The following PLXDC2 variants were observed in gnomAD, a reference collection of about 807,000 sequenced individuals.
PLXDC2 encodes plexin domain-containing protein 2.
Under a neutral mutation model 68.9 loss-of-function variants are expected in PLXDC2, and 40 were observed. The observed-to-expected ratio is 0.58, with a 90% confidence interval of 0.45 to 0.76. PLXDC2 has a LOEUF of 0.76. Ranked by LOEUF, PLXDC2 falls within the 30% of genes least tolerant of loss-of-function variation. The probability of loss-of-function intolerance (pLI) is 0.00; values close to 1 mark genes in which losing one functional copy is unlikely to be tolerated. For missense variants in PLXDC2, 644 were observed against 661.9 expected (o/e 0.97, Z 0.30); for synonymous variants, 243 against 234.2 (o/e 1.04, Z -0.34).
Position 19,854,969 on chromosome 10 carries a change from T to C in PLXDC2, c.112+37778T>C, listed in dbSNP as rs141188674. ...TTTAAAATATTTTTATATATCTCAA[T>C]TTGAAGAAATCTCCCACAGTTCTTA... On this transcript the variant is annotated intron_variant, in intron 1 of 13. Transcript: ENST00000377252. 3.4e-4 allele frequency among the ~76,000 whole-genome samples: 52 copies of C among 152,358 alleles called. No homozygotes were observed. The East Asian group carries it at 9.6e-3, about 28-fold the overall frequency.
chr10:20,215,148 T>C (rs576407439), intron 10 of PLXDC2, among the ~76,000 whole-genome samples: 108 of 152,196 alleles, frequency 7.1e-4, no homozygotes, highest in African/African-American at 2.5e-3. Context: ...GAAATTGAGA[T>C]GGAGTTGTGA....
Position 20,237,717 on chromosome 10 carries a change from T to C in PLXDC2, c.1313-7628T>C, listed in dbSNP as rs112438192. On this transcript the variant is annotated intron_variant, in intron 12 of 13. Coordinates refer to ENST00000377252, the MANE Select transcript of PLXDC2 (RefSeq NM_032812.9). The stretch of plus-strand genomic sequence containing the variant: ...TTATAGTTTAACTTTATTCTGAAGC[T>C]TTAAAAGAGCACATTTTGGCATCTT... Among the ~76,000 whole-genome samples, 418 of 152,344 alleles carry C rather than the reference T, an allele frequency of 2.7e-3. 4 individuals are homozygous for C. Among genetic ancestry groups the C allele is most frequent in the African/African-American group, 9.1e-3 (379 of 41,578 alleles).
chr10:19,854,505 A>T (rs1589502286), intron 1 of PLXDC2, among the ~76,000 whole-genome samples: 1 of 152,194 alleles, frequency 6.6e-6, no homozygotes. Context: ...ATTCTACTAG[A>T]CCAGCTGCTA....
chr10:20,232,255 A>G (rs768675826), intron 12 of PLXDC2, among the ~76,000 whole-genome samples: 1 of 152,156 alleles, frequency 6.6e-6, no homozygotes, highest in Non-Finnish European at 1.5e-5. Context: ...TGAACTCTAT[A>G]CATTTCTGAT....
At chr10:19,977,195 A>G (rs1258662584) in intron 1 of PLXDC2, among the ~76,000 whole-genome samples, 1 of 152,166 alleles carries the variant, frequency 6.6e-6, no homozygotes, top group Non-Finnish European at 1.5e-5. Flanking sequence ...TTCACTCTAG[A>G]TGGATCCAAC....
chr10:20,265,677 T>C (rs1486628041), intron 13 of PLXDC2, among the ~76,000 whole-genome samples: 1 of 152,214 alleles, frequency 6.6e-6, no homozygotes, highest in African/African-American at 2.4e-5. Flanking sequence ...ATGTAAGTCA[T>C]TAAAAAGATA....
At chr10:20,039,974 T>C (rs1441407889) in intron 2 of PLXDC2, among the ~76,000 whole-genome samples, 1 of 152,128 alleles carries the variant, frequency 6.6e-6, no homozygotes, top group East Asian at 1.9e-4. Flanking sequence ...ATTCTAAGCA[T>C]CCAACCAGCT....
intron 4 of PLXDC2, among the ~76,000 whole-genome samples, chr10:20,119,852 T>C (rs1401036128): frequency 6.7e-6 from 1 of 148,706 alleles, no homozygotes; most frequent in Non-Finnish European, 1.5e-5. Context: ...GGTGATGGCA[T>C]GGATATGGTT....
chr10:19,879,581 G>A (rs1206844779), intron 1 of PLXDC2, among the ~76,000 whole-genome samples: 1 of 152,186 alleles, frequency 6.6e-6, no homozygotes, highest in African/African-American at 2.4e-5. Context: ...CATAAAAGAA[G>A]GCCTTGCATT....
intron 12 of PLXDC2, among the ~76,000 whole-genome samples, chr10:20,230,430 G>A (rs1379582099): frequency 2.0e-5 from 3 of 152,104 alleles, no homozygotes; most frequent in South Asian, 2.1e-4. Context: ...AGCAATCTGC[G>A]GGGCCGAGGA....
intron 13 of PLXDC2, among the ~76,000 whole-genome samples, chr10:20,273,472 C>T (rs1835964906): frequency 6.6e-6 from 1 of 152,114 alleles, no homozygotes; most frequent in Non-Finnish European, 1.5e-5. Flanking sequence ...GTGCATATTT[C>T]AGAGTTCACA....
At position 20,260,184 on chromosome 10, in the gene PLXDC2, T is replaced by A. The variant is rs78332153; in HGVS notation, c.1473+14679T>A. Among the ~76,000 whole-genome samples the A allele has an allele frequency of 1.7e-3, 261 of 152,330 alleles. 2 individuals carry two copies. Among genetic ancestry groups the A allele is most frequent in the African/African-American group, 6.0e-3 (250 of 41,568 alleles). ...TCCTATCCATCACCTTCTATAGATA[T>A]CATTTTTGTGTGATACATGCACCTA... On this transcript the variant is annotated intron_variant, in intron 13 of 13. Transcript: ENST00000377252.
chr10:20,286,887 G>T lies in PLXDC2; in HGVS notation c.*7068G>T, dbSNP rs1184756349. ...TTACAGGCATATGCCACTACAGCCG[G>T]CTAATTTTGTATTTTTAGTAGAGAC... On this transcript the variant is annotated 3_prime_UTR_variant, in exon 14 of 14. Transcript: ENST00000377252. 6.6e-6 allele frequency: 1 copy of T among 152,186 alleles called. No individual in the cohort carries two copies. The highest frequency in any genetic ancestry group is 1.9e-4 in the East Asian group (1 of 5,182). 9.4% of individuals were successfully genotyped at this position (152,186 alleles called of 1,614,324 possible).
chr10:20,109,618 A>G (rs1226720187), intron 4 of PLXDC2, among the ~76,000 whole-genome samples: 1 of 152,176 alleles, frequency 6.6e-6, no homozygotes, highest in Non-Finnish European at 1.5e-5. Flanking sequence ...TTAATTTTCT[A>G]TTTGAAAGCC....
chr10:19,942,150 A>G (rs1833830370), intron 1 of PLXDC2, among the ~76,000 whole-genome samples: 1 of 152,192 alleles, frequency 6.6e-6, no homozygotes, highest in African/African-American at 2.4e-5. Context: ...GTCATTCTCT[A>G]TCTTTTCCAA....
rs1834723711 is a variant in PLXDC2 at position 20,189,030 on chromosome 10, GA to G, written c.1061+11623del. ...TCAGTTTTTTTTTTCAAATTTTAAT[GA>G]AGAATCTTCGCTTTTCTATTAAGCT... is the stretch of plus-strand genomic sequence containing the variant. On this transcript the variant is annotated intron_variant, in intron 9 of 13. Coordinates refer to ENST00000377252, the MANE Select transcript of PLXDC2 (RefSeq NM_032812.9). 4.0e-5 allele frequency among the ~76,000 whole-genome samples: 3 copies of G among 75,928 alleles called. 1 individual carries two copies. The highest frequency in any genetic ancestry group is 9.3e-5 in the Non-Finnish European group (2 of 21,470). 49.8% of individuals were successfully genotyped at this position (75,928 alleles called of 152,430 possible).
At chr10:20,070,877 C>T (rs934603803) in intron 4 of PLXDC2, 2 of 152,092 alleles carry the variant, frequency 1.3e-5, no homozygotes, top group Non-Finnish European at 2.9e-5. Flanking sequence ...TAAGATTTCT[C>T]CTAGCGGAAC....
At chr10:20,043,166 A>G (rs1366979367) in intron 2 of PLXDC2, among the ~76,000 whole-genome samples, 1 of 152,160 alleles carries the variant, frequency 6.6e-6, no homozygotes, top group African/African-American at 2.4e-5. Context: ...TCTGAACCAA[A>G]CACCTCTCTG....
chr10:19,817,010 C>T lies in PLXDC2; in HGVS notation c.-70C>T, dbSNP rs1836356632. The T allele has an allele frequency of 8.3e-7, 1 of 1,205,968 alleles. No homozygotes were observed. Among genetic ancestry groups the T allele is most frequent in the African/African-American group, 1.5e-5 (1 of 66,660 alleles). The allele number at this position is 1,205,968 out of a possible 1,614,324, so 74.7% of individuals were successfully genotyped here. A position where few individuals can be genotyped will look rare whatever the true frequency, so the allele number is the denominator to read the frequency against. On this transcript the variant is annotated 5_prime_UTR_variant, in exon 1 of 14. Transcript: ENST00000377252. ...TCCGCAGCGTTTGGCCCGGTCGTGC[C>T]TATTGCATCGGGAGCCCCCGAGCAC...
Sources: gnomAD v4.1 joint callset for allele counts (sites outside exome capture counted in the v4.1 genomes callset) on GRCh38, gnomAD v4.1.1 for gene constraint, MANE v1.5 for transcripts, NCBI Gene and HGNC (gene_info 2026-07-23, HGNC 2026-07-21) for gene names.